The following PAX7 variants were observed in gnomAD, a reference collection of about 807,000 sequenced individuals.
PAX7 encodes paired box 7.
Under a neutral mutation model 50.7 loss-of-function variants are expected in PAX7, and 18 were observed. The observed-to-expected ratio is 0.36, with a 90% CI of 0.25 to 0.53. PAX7 has a LOEUF of 0.53. PAX7 is among the 20% of genes least tolerant of loss of function. The probability of loss-of-function intolerance (pLI) is 0.93; values close to 1 mark genes in which losing one functional copy is unlikely to be tolerated. For missense variants in PAX7, 644 were observed against 702.9 expected, an observed-to-expected ratio of 0.92 and a Z score of 0.95; for synonymous variants, 310 against 290.4, an observed-to-expected ratio of 1.07 and a Z score of -0.69.
chr1:18,738,081 G>A (rs1930897701), intron 8 of PAX7, among the ~76,000 whole-genome samples: 1 of 152,190 alleles, frequency 6.6e-6, no homozygotes, highest in African/African-American at 2.4e-5. Context: ...AGGTGTGGCT[G>A]TGTGTACATG....
In PAX7 at chr1:18,631,153, C is replaced by G; in HGVS notation, c.-451C>G. 4.3e-6 allele frequency: 1 copy of G among 235,276 alleles called. No homozygotes were observed. Among genetic ancestry groups the G allele is most frequent in the Non-Finnish European group, 8.4e-6 (1 of 119,690 alleles). The allele number at this position is 235,276 out of a possible 1,614,324, so 14.6% of individuals were successfully genotyped here. A position where few individuals can be genotyped will look rare whatever the true frequency, so the allele number is the denominator to read the frequency against. ...TCTCCGGGCTCGGAAACTTTGGCCC[C>G]GAGCGCCAGAGCGCCAGAGCGCGAG... On this transcript the variant is annotated 5_prime_UTR_variant, in exon 1 of 9. Transcript: ENST00000420770.
chr1:18,643,291 G>A (rs765525492), intron 4 of PAX7, among the ~76,000 whole-genome samples: 1 of 152,168 alleles, frequency 6.6e-6, no homozygotes, highest in African/African-American at 2.4e-5. Context: ...GTCAGCGAAC[G>A]GACCTTTCCA....
chr1:18,657,617 G>T (rs993773231), intron 4 of PAX7, among the ~76,000 whole-genome samples: 8 of 152,092 alleles, frequency 5.3e-5, no homozygotes, highest in African/African-American at 1.9e-4. Context: ...ACCCAGCTCC[G>T]CTAGGCCCAG....
At chr1:18,717,097 G>T (rs2089435564) in intron 7 of PAX7, among the ~76,000 whole-genome samples, 2 of 152,142 alleles carry the variant, frequency 1.3e-5, no homozygotes, top group African/African-American at 4.8e-5. Flanking sequence ...CCTGACAGTG[G>T]AAAATGCGGG....
At chr1:18,656,679 A>G (rs2088526809) in intron 4 of PAX7, among the ~76,000 whole-genome samples, 1 of 151,592 alleles carries the variant, frequency 6.6e-6, no homozygotes, top group African/African-American at 2.4e-5. Context: ...TGAGTAAAAT[A>G]AATGCATGCA....
At chr1:18,643,001 C>A (rs1272991816) in intron 4 of PAX7, among the ~76,000 whole-genome samples, 2 of 147,472 alleles carry the variant, frequency 1.4e-5, no homozygotes, top group Non-Finnish European at 3.0e-5. Context: ...GGAGGGGATG[C>A]GAAGGGAGGG....
At chr1:18,701,411 TATGAGTGAGTGA>T (rs924129247) in intron 6 of PAX7, among the ~76,000 whole-genome samples, 3 of 151,762 alleles carry the variant, frequency 2.0e-5, no homozygotes, top group Non-Finnish European at 4.4e-5. Context: ...AGTGTGTGCG[TATGAGTGAGTGA>T]ATGAGTGTGT....
At chr1:18,631,795 G>A (rs922080663) in intron 1 of PAX7, 107 bp downstream of exon 1, 55 of 905,132 alleles carry the variant, frequency 6.1e-5, no homozygotes, top group Non-Finnish European at 7.2e-5. Flanking sequence ...CGATAGCAGA[G>A]GGATCCCGTT....
At chr1:18,741,664 G>A (rs897241742) in intron 8 of PAX7, among the ~76,000 whole-genome samples, 5 of 152,198 alleles carry the variant, frequency 3.3e-5, no homozygotes, top group African/African-American at 1.2e-4. Context: ...AGGTTGGTGT[G>A]AGAGGCTGGC....
rs114357376 is a variant in PAX7 at position 18,690,888 on chromosome 1, G to A, written c.587-866G>A. 2.7e-3 allele frequency among the ~76,000 whole-genome samples: 409 copies of A among 152,292 alleles called. 3 individuals carry two copies. In the South Asian group the frequency reaches 0.031, roughly 11 times the overall value. ...GTCACAAATGGGGAAAGTGAGGCCC[G>A]AGGAGGGGAGGTGGCCTTCCCAGGG... On this transcript the variant is annotated intron_variant, in intron 4 of 8. Coordinates refer to ENST00000420770, the MANE Select transcript of PAX7 (RefSeq NM_001135254.2).
intron 6 of PAX7, among the ~76,000 whole-genome samples, chr1:18,702,532 C>T (rs939542877): frequency 4.6e-5 from 7 of 152,066 alleles, no homozygotes; most frequent in Admixed American, 3.3e-4. Context: ...GCCCAGAGAG[C>T]GCAGAATAAC....
At chr1:18,693,944 AG>A (rs368943595) in intron 5 of PAX7, among the ~76,000 whole-genome samples, 6 of 152,244 alleles carry the variant, frequency 3.9e-5, no homozygotes, top group African/African-American at 1.2e-4. Flanking sequence ...GGGAATGGAG[AG>A]GCAGCCGGAG....
intron 4 of PAX7, among the ~76,000 whole-genome samples, chr1:18,649,963 A>G (rs2088406261): frequency 6.6e-6 from 1 of 152,128 alleles, no homozygotes; most frequent in African/African-American, 2.4e-5. Flanking sequence ...GAGTCCTGGG[A>G]TTCTCAGCCT....
intron 7 of PAX7, among the ~76,000 whole-genome samples, chr1:18,729,480 G>A (rs1285278928): frequency 6.6e-6 from 1 of 152,224 alleles, no homozygotes; most frequent in Non-Finnish European, 1.5e-5. Context: ...ATGCAAGTGT[G>A]TGCATGTGTA....
intron 7 of PAX7, among the ~76,000 whole-genome samples, chr1:18,716,651 A>T (rs1262559311): frequency 6.7e-6 from 1 of 149,504 alleles, no homozygotes; most frequent in Non-Finnish European, 1.5e-5. Flanking sequence ...AACCCTGAGA[A>T]TACCTCCAGC....
intron 4 of PAX7, among the ~76,000 whole-genome samples, chr1:18,648,134 A>T (rs1447870546): frequency 6.6e-6 from 1 of 151,838 alleles, no homozygotes; most frequent in African/African-American, 2.4e-5. Context: ...GATGGTGAAA[A>T]CATCCTCCAG....
intron 7 of PAX7, among the ~76,000 whole-genome samples, chr1:18,711,748 T>G (rs1051455479): frequency 6.6e-6 from 1 of 151,714 alleles, no homozygotes; most frequent in African/African-American, 2.4e-5. Flanking sequence ...CCAACACACA[T>G]CCCCACACCC....
chr1:18,687,562 C>T (rs1221964187), intron 4 of PAX7, among the ~76,000 whole-genome samples: 1 of 152,218 alleles, frequency 6.6e-6, no homozygotes, highest in Non-Finnish European at 1.5e-5. Flanking sequence ...CCTATGAAGG[C>T]TGGCACAGAG....
At chr1:18,643,153 G>C (rs2088284340) in intron 4 of PAX7, among the ~76,000 whole-genome samples, 1 of 152,218 alleles carries the variant, frequency 6.6e-6, no homozygotes, top group Non-Finnish European at 1.5e-5. Flanking sequence ...AGGGCGCCTT[G>C]GGCACGCGTG....
Sources: allele counts gnomAD v4.1 joint callset (sites outside exome capture counted in the v4.1 genomes callset), GRCh38; gene constraint gnomAD v4.1.1; transcripts MANE v1.5; gene names NCBI Gene and HGNC (gene_info 2026-07-23, HGNC 2026-07-21).